Variants in SLC15A5 observed in about 807,000 individuals in gnomAD.
SLC15A5 encodes Peptide/histidine transporter ENSP00000340402.
Under a neutral mutation model 56.1 loss-of-function variants are expected in SLC15A5, and 58 were observed. That is an observed-to-expected ratio of 1.03 (90% CI 0.84 to 1.29). The LOEUF (loss-of-function observed/expected upper bound fraction) is 1.29, where lower values mean the gene tolerates loss of function less well. Among genes scored for constraint, SLC15A5 ranks in the 50% most tolerant of loss-of-function variants. The probability of loss-of-function intolerance (pLI) is 0.00; values close to 1 mark genes in which losing one functional copy is unlikely to be tolerated. For synonymous variants in SLC15A5, 264 were observed against 250.5 expected, an observed-to-expected ratio of 1.05 and a Z score of -0.51; for missense variants, 681 against 672.1, an observed-to-expected ratio of 1.01 and a Z score of -0.15.
chr12:16,201,213 T>G (rs918001733), intron 7 of SLC15A5, among the ~76,000 whole-genome samples: 2 of 152,132 alleles, frequency 1.3e-5, no homozygotes, highest in Non-Finnish European at 2.9e-5. Flanking sequence ...AAAATTCCAC[T>G]GACACTTTTC....
chr12:16,266,438 G>A (rs190191082), intron 2 of SLC15A5, among the ~76,000 whole-genome samples: 11 of 152,316 alleles, frequency 7.2e-5, no homozygotes, highest in African/African-American at 2.4e-4. Context: ...CTTGTGAAAT[G>A]TAGTTAGAAA....
chr12:16,247,060 C>G (rs1218639531), intron 3 of SLC15A5, among the ~76,000 whole-genome samples: 2 of 152,002 alleles, frequency 1.3e-5, no homozygotes, highest in East Asian at 3.9e-4. Context: ...TGTCACTGTC[C>G]ATAAATATTT....
intron 1 of SLC15A5, among the ~76,000 whole-genome samples, chr12:16,274,900 A>T (rs938318977): frequency 6.6e-6 from 1 of 152,110 alleles, no homozygotes; most frequent in Middle Eastern, 3.2e-3. Flanking sequence ...TTGTAAAATG[A>T]TGCAGTAAAG....
At chr12:16,246,229 G>A (rs1864459795) in intron 3 of SLC15A5, among the ~76,000 whole-genome samples, 6 of 152,190 alleles carry the variant, frequency 3.9e-5, no homozygotes. Flanking sequence ...GCCTGAAGTA[G>A]ATGAAGGCCC....
intron 7 of SLC15A5, among the ~76,000 whole-genome samples, chr12:16,211,326 A>G (rs1244554749): frequency 6.6e-6 from 1 of 152,214 alleles, no homozygotes; most frequent in Non-Finnish European, 1.5e-5. Context: ...CAGTGGCCTC[A>G]AAAATCATAG....
Position 16,189,643 on chromosome 12 carries a change from A to G in SLC15A5, c.*25T>C. ...AGAAAACAATGAATACTGTTCTCAT[A>G]AGACAGGTAGACTCAAACACAGTTT... On this transcript the variant is annotated 3_prime_UTR_variant, in exon 9 of 9. Transcript: ENST00000344941. 6.9e-7 allele frequency: 1 copy of G among 1,451,828 alleles called. No individual in the cohort carries two copies. Among genetic ancestry groups the G allele is most frequent in the Non-Finnish European group, 9.0e-7 (1 of 1,105,616 alleles). The allele number at this position is 1,451,828 out of a possible 1,614,324, so 89.9% of individuals were successfully genotyped here.
intron 5 of SLC15A5, among the ~76,000 whole-genome samples, chr12:16,230,378 G>A (rs1002390561): frequency 6.6e-6 from 1 of 152,018 alleles, no homozygotes; most frequent in African/African-American, 2.4e-5. Context: ...ATTAGAGCTG[G>A]TTGCTGAGGT....
chr12:16,195,913 T>C (rs1225034459), intron 7 of SLC15A5, among the ~76,000 whole-genome samples: 3 of 152,150 alleles, frequency 2.0e-5, no homozygotes, highest in Admixed American at 2.0e-4. Context: ...ATTAGCTGTG[T>C]CTATTATATT....
chr12:16,221,956 C>G (rs549042628), intron 6 of SLC15A5, among the ~76,000 whole-genome samples: 1 of 152,048 alleles, frequency 6.6e-6, no homozygotes, highest in Non-Finnish European at 1.5e-5. Flanking sequence ...CCCAGCTGTT[C>G]AGGTGGTTTA....
At chr12:16,222,346 T>A (rs1324084366) in intron 6 of SLC15A5, among the ~76,000 whole-genome samples, 1 of 108,042 alleles carries the variant, frequency 9.3e-6, no homozygotes, top group Non-Finnish European at 2.0e-5. Context: ...CTGTACTGTC[T>A]CCCAGAAAGG....
chr12:16,254,684 T>C (rs1864552241), intron 3 of SLC15A5, among the ~76,000 whole-genome samples: 1 of 152,138 alleles, frequency 6.6e-6, no homozygotes, highest in South Asian at 2.1e-4. Flanking sequence ...GATGTATTGA[T>C]TTTCCTTCCT....
intron 5 of SLC15A5, among the ~76,000 whole-genome samples, chr12:16,228,032 T>A (rs1274087542): frequency 6.6e-6 from 1 of 152,156 alleles, no homozygotes; most frequent in Non-Finnish European, 1.5e-5. Context: ...GTTATGAATA[T>A]GAATCCAGGT....
At position 16,196,853 on chromosome 12, in the gene SLC15A5, G is replaced by T. The variant is rs756337963; in HGVS notation, c.1484-2400C>A. Among the ~76,000 whole-genome samples, 5 of 152,100 alleles carry T rather than the reference G, an allele frequency of 3.3e-5. No individual in the cohort carries two copies. Among genetic ancestry groups the T allele is most frequent in the Admixed American group, 2.0e-4 (3 of 15,264 alleles). On this transcript the variant is annotated intron_variant, in intron 7 of 8. Coordinates refer to ENST00000344941, the MANE Select transcript of SLC15A5 (RefSeq NM_001170798.1). This position sits in a 1 kb window ranked among gnomAD's most constrained non-coding sequence, Gnocchi z 4.0. ...TAAAACATAATATTTTAAAGAAATT[G>T]TTTCATTATGGCAAATACCAGCCTT...
chr12:16,222,229 C>T (rs2136248568), intron 6 of SLC15A5, among the ~76,000 whole-genome samples: 1 of 152,066 alleles, frequency 6.6e-6, no homozygotes, highest in East Asian at 1.9e-4. Flanking sequence ...TGAGAAAAGC[C>T]CAGAAATGAG....
At chr12:16,213,342 T>C (rs778553049) in intron 7 of SLC15A5, among the ~76,000 whole-genome samples, 6 of 152,166 alleles carry the variant, frequency 3.9e-5, no homozygotes, top group Non-Finnish European at 5.9e-5. Flanking sequence ...AAATAGAAAC[T>C]GAGAACACAT....
chr12:16,244,572 G>A lies in SLC15A5; in HGVS notation c.975+8C>T, dbSNP rs1458473795. The A allele has an allele frequency of 1.3e-6, 2 of 1,536,332 alleles. No homozygotes were observed. Among genetic ancestry groups the A allele is most frequent in the African/African-American group, 2.7e-5 (2 of 72,992 alleles). On this transcript the variant is annotated splice_region_variant and intron_variant, in intron 4 of 8. Coordinates refer to ENST00000344941, the MANE Select transcript of SLC15A5 (RefSeq NM_001170798.1). ...GTTGTTGGGGTAGTACTCATCGCCT[G>A]TCCTTACCTGCATAATGCACATTCT...
chr12:16,217,460 C>T (rs1242365265), intron 6 of SLC15A5, among the ~76,000 whole-genome samples: 1 of 152,102 alleles, frequency 6.6e-6, no homozygotes, highest in Admixed American at 6.6e-5. Flanking sequence ...AGAGCATGGG[C>T]TCTGGAGTTA....
chr12:16,210,442 A>G (rs1431521754), intron 7 of SLC15A5, among the ~76,000 whole-genome samples: 4 of 152,238 alleles, frequency 2.6e-5, no homozygotes, highest in Admixed American at 6.5e-5. Context: ...ATTAAGTGCC[A>G]TACCAAAACA....
intron 6 of SLC15A5, among the ~76,000 whole-genome samples, chr12:16,223,765 G>C (rs936768865): frequency 6.6e-6 from 1 of 151,672 alleles, no homozygotes; most frequent in African/African-American, 2.4e-5. Flanking sequence ...CACCAGGCTG[G>C]AGTGCAGCGG....
Sources: allele counts gnomAD v4.1 joint callset (sites outside exome capture counted in the v4.1 genomes callset), GRCh38; gene constraint gnomAD v4.1.1; non-coding constraint Gnocchi (gnomAD v3.1); transcripts MANE v1.5; gene names NCBI Gene and HGNC (gene_info 2026-07-23, HGNC 2026-07-21).